COL23A1: variants seen among roughly 807,000 people sequenced by gnomAD.
The protein encoded by COL23A1 is collagen alpha-1(XXIII) chain.
Under a neutral mutation model 99.3 loss-of-function variants are expected in COL23A1, and 97 were observed. The ratio of observed to expected loss-of-function variants is 0.98; its 90% CI spans 0.83 to 1.16. The LOEUF is 1.16. Ranked by LOEUF, COL23A1 falls within the 50% of genes most tolerant of loss-of-function variation. COL23A1 has a pLI of 0.00. For missense variants in COL23A1, 762 were observed against 757.4 expected (o/e 1.01, Z -0.07); for synonymous variants, 320 against 308.2 (o/e 1.04, Z -0.40).
intron 2 of COL23A1, among the ~76,000 whole-genome samples, chr5:178,455,351 C>T (rs1767718363): frequency 6.6e-6 from 1 of 152,114 alleles, no homozygotes; most frequent in Non-Finnish European, 1.5e-5. Context: ...GCCACAGGCA[C>T]CAGCATGGGA....
Position 178,273,406 on chromosome 5 carries a change from G to A in COL23A1, c.442-3043C>T, listed in dbSNP as rs556437405. 2.5e-4 allele frequency among the ~76,000 whole-genome samples: 38 copies of A among 152,366 alleles called. No individual in the cohort carries two copies. The South Asian group carries it at 3.9e-3, about 16-fold the overall frequency. ...GGTCCCCGAGGCTTCTTTCTGATGT[G>A]TGAGAAGCCCCGTCCGTGACAGAAA... is the stretch of plus-strand genomic sequence containing the variant. On this transcript the variant is annotated intron_variant, in intron 5 of 28. Transcript: ENST00000390654.
chr5:178,406,491 G>A (rs1383621336), intron 2 of COL23A1, among the ~76,000 whole-genome samples: 1 of 149,406 alleles, frequency 6.7e-6, no homozygotes, highest in East Asian at 2.0e-4. Flanking sequence ...GTGAAATGGC[G>A]ACATCTCGGC....
chr5:178,404,215 CCA>C, intron 2 of COL23A1, among the ~76,000 whole-genome samples: 1 of 152,206 alleles, frequency 6.6e-6, no homozygotes, highest in Non-Finnish European at 1.5e-5. Flanking sequence ...TTGTGGGGTA[CCA>C]TGCCCATCAC....
chr5:178,487,336 A>ATT (rs1757693190), intron 2 of COL23A1, among the ~76,000 whole-genome samples: 3 of 151,006 alleles, frequency 2.0e-5, no homozygotes, highest in Non-Finnish European at 4.4e-5. Context: ...TTATTTATTT[A>ATT]GAGAAGGAGT....
chr5:178,505,744 A>G (rs954929104), intron 2 of COL23A1, among the ~76,000 whole-genome samples: 9 of 152,270 alleles, frequency 5.9e-5, no homozygotes, highest in South Asian at 2.1e-4. Context: ...TCTGCAGACA[A>G]ACAAAGCAGT....
intron 4 of COL23A1, among the ~76,000 whole-genome samples, chr5:178,289,162 T>C (rs2127584862): frequency 6.6e-6 from 1 of 151,848 alleles, no homozygotes; most frequent in East Asian, 1.9e-4. Context: ...GAAGCCCAGA[T>C]TCCGAAGGGC....
Position 178,256,912 on chromosome 5 carries a change from A to G in COL23A1, c.791T>C (p.Met264Thr), listed in dbSNP as rs759186124. ...PPGPKGEPGSMGPRGENGVDG... is the reference protein window; with the variant it reads ...PPGPKGEPGSTGPRGENGVDG... ...CACACCGTTCTCTCCCCGAGGCCCC[A>G]TGCTCCCTGGCTCGCCCTGAAACAG... Residue 264 changes from methionine to threonine, a missense_variant, in exon 14 of 29, where the codon ATG (methionine) becomes ACG (threonine). Transcript: ENST00000390654. 4 of 1,613,588 alleles carry G rather than the reference A, an allele frequency of 2.5e-6. No homozygotes were observed. The highest frequency in any genetic ancestry group is 3.4e-6 in the Non-Finnish European group (4 of 1,179,870).
At chr5:178,304,823 T>A (rs557424926) in intron 3 of COL23A1, among the ~76,000 whole-genome samples, 5 of 152,262 alleles carry the variant, frequency 3.3e-5, no homozygotes, top group Non-Finnish European at 7.4e-5. Context: ...AGTTTCCTCA[T>A]CAGCAAGTGG....
chr5:178,542,331 C>T (rs192198015), intron 2 of COL23A1, among the ~76,000 whole-genome samples: 69 of 152,254 alleles, frequency 4.5e-4, no homozygotes, highest in African/African-American at 1.5e-3. Flanking sequence ...GTGCCCGGCC[C>T]TGTAGCTGGT....
intron 4 of COL23A1, among the ~76,000 whole-genome samples, chr5:178,290,072 C>T (rs909994333): frequency 2.0e-5 from 3 of 152,076 alleles, no homozygotes; most frequent in Admixed American, 6.5e-5. Flanking sequence ...GCTGGGGTTA[C>T]AGGCACCCGC....
intron 12 of COL23A1, among the ~76,000 whole-genome samples, chr5:178,258,262 T>TATATATATATATATATATATACACAC: frequency 1.3e-4 from 14 of 104,122 alleles, no homozygotes; most frequent in South Asian, 3.9e-4. Flanking sequence ...TATATATATA[T>TATATATATATATATATATATACACAC]ACACATGCAA....
chr5:178,328,070 G>A (rs1002786697), intron 2 of COL23A1, among the ~76,000 whole-genome samples: 10 of 152,018 alleles, frequency 6.6e-5, no homozygotes, highest in South Asian at 6.2e-4. Context: ...AGAGCGGCAC[G>A]GTCCAACCAA....
chr5:178,282,583 G>A (rs1044713230), intron 5 of COL23A1, among the ~76,000 whole-genome samples: 14 of 152,198 alleles, frequency 9.2e-5, no homozygotes, highest in African/African-American at 3.4e-4. Flanking sequence ...TCCAGGCTTT[G>A]GCATGCAAGC....
intron 2 of COL23A1, among the ~76,000 whole-genome samples, chr5:178,531,267 C>G (rs113303070): frequency 5.9e-5 from 9 of 152,340 alleles, no homozygotes; most frequent in South Asian, 2.1e-4. Flanking sequence ...TACAGTTCAA[C>G]TCTCCCATTT....
intron 2 of COL23A1, among the ~76,000 whole-genome samples, chr5:178,552,782 T>C (rs1032551580): frequency 2.0e-5 from 3 of 151,752 alleles, no homozygotes; most frequent in Non-Finnish European, 2.9e-5. Flanking sequence ...GGTGCGATCT[T>C]GGCTCACTGC....
At chr5:178,336,891 G>A (rs1267195483) in intron 2 of COL23A1, among the ~76,000 whole-genome samples, 1 of 152,192 alleles carries the variant, frequency 6.6e-6, no homozygotes, top group African/African-American at 2.4e-5. Context: ...ACAAAAAAAG[G>A]CAAAGCTGAA....
At chr5:178,576,027 C>T (rs140067518) in intron 1 of COL23A1, among the ~76,000 whole-genome samples, 5 of 152,338 alleles carry the variant, frequency 3.3e-5, no homozygotes, top group African/African-American at 1.2e-4. Context: ...GAGAGGGGCT[C>T]GGTCACGAAG....
chr5:178,259,705 C>A lies in COL23A1; in HGVS notation c.729+16G>T, dbSNP rs756330408. The A allele has an allele frequency of 1.2e-6, 2 of 1,601,764 alleles. No homozygotes were observed. The highest frequency in any genetic ancestry group is 3.4e-5 in the Admixed American group (2 of 59,284). On this transcript the variant is annotated intron_variant, in intron 12 of 28. Transcript: ENST00000390654. ...CCCAACACTGACCCGGAAGCTCCTC[C>A]ATTGGCCCCTCTCACCTTCTTTCCA...
intron 2 of COL23A1, among the ~76,000 whole-genome samples, chr5:178,515,531 T>A (rs984733749): frequency 6.6e-6 from 1 of 152,266 alleles, no homozygotes; most frequent in Admixed American, 6.5e-5. Context: ...TCCAGGCTCC[T>A]CAGGCCTCCG....
Sources: gnomAD v4.1 joint callset for allele counts (sites outside exome capture counted in the v4.1 genomes callset) on GRCh38, gnomAD v4.1.1 for gene constraint, MANE v1.5 for transcripts, NCBI Gene and HGNC (gene_info 2026-07-23, HGNC 2026-07-21) for gene names.